Variants in POLA1 observed in about 807,000 individuals in gnomAD.
POLA1 encodes the protein DNA polymerase alpha catalytic subunit.
Under a neutral mutation model 124.0 loss-of-function variants are expected in POLA1, and 15 were observed. The ratio of observed to expected loss-of-function variants is 0.12; its 90% CI spans 0.08 to 0.19. POLA1 has a LOEUF of 0.19. Among genes scored for constraint, POLA1 ranks in the 10% least tolerant of loss-of-function variants. The probability of loss-of-function intolerance (pLI) is 1.00; values close to 1 mark genes in which losing one functional copy is unlikely to be tolerated. For synonymous variants in POLA1, 408 were observed against 389.4 expected (o/e 1.05, Z -0.56); for missense variants, 886 against 1,103.4 (o/e 0.80, Z 2.79).
chrX:24,780,349 T>C (rs990340033), intron 26 of POLA1, among the ~76,000 whole-genome samples: 14 of 112,704 alleles, frequency 1.2e-4, no homozygotes, highest in Middle Eastern at 4.2e-3. Context: ...AGTGGTGAGA[T>C]CAAAAATACT....
intron 35 of POLA1, among the ~76,000 whole-genome samples, chrX:24,898,346 A>G (rs1017401191): frequency 8.9e-6 from 1 of 112,423 alleles, no homozygotes; most frequent in Non-Finnish European, 1.9e-5. Context: ...AATTTCTGGA[A>G]CAAAAATTCT....
At chrX:24,785,496 C>T (rs1038221770) in intron 26 of POLA1, among the ~76,000 whole-genome samples, 1 of 111,493 alleles carries the variant, frequency 9.0e-6, no homozygotes, top group Non-Finnish European at 1.9e-5. Context: ...GTGTGAATTT[C>T]GAAAAAGTGA....
intron 14 of POLA1, 39 bp downstream of exon 14, chrX:24,727,110 C>G: frequency 9.1e-7 from 1 of 1,101,324 alleles, no homozygotes. Context: ...GAATAGATTG[C>G]TGATAGATGT....
At chrX:24,975,148 A>G (rs2016344589) in intron 36 of POLA1, among the ~76,000 whole-genome samples, 1 of 111,892 alleles carries the variant, frequency 8.9e-6, no homozygotes, top group African/African-American at 3.3e-5. Flanking sequence ...AGTAGCTGGA[A>G]CTACAGGTGT....
chrX:24,909,772 G>T (rs1055751331), intron 35 of POLA1, among the ~76,000 whole-genome samples: 1 of 110,522 alleles, frequency 9.0e-6, no homozygotes, highest in African/African-American at 3.3e-5. Flanking sequence ...ATTCTGTGAA[G>T]AAAGTCATTG....
At chrX:24,895,268 G>A (rs1271983656) in intron 35 of POLA1, among the ~76,000 whole-genome samples, 1 of 112,206 alleles carries the variant, frequency 8.9e-6, no homozygotes, top group Non-Finnish European at 1.9e-5. Context: ...CTTATCATGT[G>A]AAAGAAATCC....
At chrX:24,859,282 T>C (rs2046686621) in intron 34 of POLA1, among the ~76,000 whole-genome samples, 1 of 111,766 alleles carries the variant, frequency 8.9e-6, no homozygotes, top group African/African-American at 3.3e-5. Flanking sequence ...AATTCAGATT[T>C]GGGAGCACTG....
At chrX:24,725,321 A>T (rs929953973) in intron 12 of POLA1, among the ~76,000 whole-genome samples, 1 of 105,371 alleles carries the variant, frequency 9.5e-6, no homozygotes, top group Non-Finnish European at 1.9e-5. Context: ...CAGCCTCCTG[A>T]GTAGCTGGGA....
At chrX:24,897,616 T>C in intron 35 of POLA1, among the ~76,000 whole-genome samples, 1 of 112,141 alleles carries the variant, frequency 8.9e-6, no homozygotes, top group Non-Finnish European at 1.9e-5. Flanking sequence ...AGGGCTTTTC[T>C]TTCTCCCCAG....
At chrX:24,877,019 T>C (rs190100081) in intron 34 of POLA1, among the ~76,000 whole-genome samples, 11 of 112,180 alleles carry the variant, frequency 9.8e-5, no homozygotes, top group Admixed American at 8.5e-4. Context: ...GAGTCGCCCT[T>C]GGTAACTGGC....
chrX:24,833,931 CA>C (rs1480264949), intron 32 of POLA1, among the ~76,000 whole-genome samples: 1 of 109,762 alleles, frequency 9.1e-6, no homozygotes, highest in East Asian at 2.9e-4. Context: ...CAAAAAATAC[CA>C]AAATTAGCTG....
At chrX:24,916,589 A>G (rs2047536832) in intron 35 of POLA1, among the ~76,000 whole-genome samples, 1 of 111,758 alleles carries the variant, frequency 8.9e-6, no homozygotes, top group African/African-American at 3.3e-5. Context: ...ACTGAGAACA[A>G]TTTTTAAAAG....
At position 24,818,160 on chromosome X, in the gene POLA1, A is replaced by G. The variant is rs1285531459; in HGVS notation, c.3429+3049A>G. On this transcript the variant is annotated intron_variant, in intron 30 of 36. Coordinates refer to ENST00000379068, the MANE Select transcript of POLA1 (RefSeq NM_001330360.2). ...ACAAAATACTTTGCAGCTGATTTTT[A>G]TAGCTCTGGCTAACTTGAGCCTAAA... Among the ~76,000 whole-genome samples, 3 of 110,446 alleles carry G rather than the reference A, an allele frequency of 2.7e-5. No homozygotes were observed. The Admixed American group carries it at 2.9e-4, about 11-fold the overall frequency.
intron 23 of POLA1, among the ~76,000 whole-genome samples, chrX:24,743,849 G>C (rs1469868061): frequency 9.0e-6 from 1 of 111,285 alleles, no homozygotes; most frequent in African/African-American, 3.3e-5. Flanking sequence ...GAATGGCAAA[G>C]ATGTTTTGTG....
chrX:24,953,310 TTTG>T (rs964828512), intron 36 of POLA1, among the ~76,000 whole-genome samples: 4 of 112,423 alleles, frequency 3.6e-5, no homozygotes, highest in African/African-American at 9.7e-5. Flanking sequence ...TTTTTAGCTT[TTTG>T]TTGTTGTTGT....
At chrX:24,830,751 C>T (rs1026814243) in intron 32 of POLA1, among the ~76,000 whole-genome samples, 1 of 112,014 alleles carries the variant, frequency 8.9e-6, no homozygotes, top group Non-Finnish European at 1.9e-5. Flanking sequence ...GTCTTCCATA[C>T]CTAGCTGACT....
intron 35 of POLA1, among the ~76,000 whole-genome samples, chrX:24,893,894 C>T (rs768277600): frequency 9.0e-6 from 1 of 110,753 alleles, no homozygotes; most frequent in South Asian, 3.9e-4. Flanking sequence ...TTCTGTAGCT[C>T]ACTCATTGGT....
chrX:24,776,346 T>C (rs777760869), intron 26 of POLA1, among the ~76,000 whole-genome samples: 12 of 111,849 alleles, frequency 1.1e-4, no homozygotes, highest in Non-Finnish European at 1.9e-4. Flanking sequence ...TCTTTTCTCC[T>C]CTTTTTCCCA....
intron 36 of POLA1, among the ~76,000 whole-genome samples, chrX:24,935,945 T>C (rs771353768): frequency 2.6e-4 from 29 of 112,827 alleles, no homozygotes; most frequent in Admixed American, 4.7e-4. Context: ...CAAGTGATAC[T>C]GAAGGTAGGT....
Sources: gnomAD v4.1 joint callset for allele counts (sites outside exome capture counted in the v4.1 genomes callset) on GRCh38, gnomAD v4.1.1 for gene constraint, MANE v1.5 for transcripts, NCBI Gene and HGNC (gene_info 2026-07-23, HGNC 2026-07-21) for gene names.